The following TGFA variants were observed in gnomAD, a reference collection of about 807,000 sequenced individuals.
TGFA encodes the protein transforming growth factor alpha.
TGFA carries 12 observed loss-of-function variants against 21.7 expected under a neutral mutation model. The observed-to-expected ratio is 0.55, with a 90% confidence interval of 0.35 to 0.90. TGFA has a LOEUF of 0.90. Among genes scored for constraint, TGFA ranks in the 40% least tolerant of loss-of-function variants. The pLI, the probability that TGFA is intolerant of heterozygous loss-of-function variation, is 0.01. For synonymous variants in TGFA, 79 were observed against 88.1 expected (o/e 0.90, Z 0.58); for missense variants, 178 against 210.8 (o/e 0.84, Z 0.96).
chr2:70,499,812 A>G (rs532446811), intron 2 of TGFA, among the ~76,000 whole-genome samples: 4 of 152,142 alleles, frequency 2.6e-5, no homozygotes, highest in Admixed American at 6.5e-5. Flanking sequence ...AGGAAGGATG[A>G]CCCTGGGGCT....
At chr2:70,513,578 G>A (rs1489190624) in intron 2 of TGFA, among the ~76,000 whole-genome samples, 3 of 152,166 alleles carry the variant, frequency 2.0e-5, no homozygotes, top group Non-Finnish European at 4.4e-5. Flanking sequence ...AAGTGGCTTA[G>A]GCACCTTAAG....
intron 1 of TGFA, among the ~76,000 whole-genome samples, chr2:70,547,452 GA>G (rs1553506070): frequency 1.3e-5 from 2 of 150,838 alleles, no homozygotes; most frequent in African/African-American, 2.4e-5. Flanking sequence ...AAATTAGCTG[GA>G]AATCACTTAA....
intron 2 of TGFA, chr2:70,468,504 G>C (rs1055145669): frequency 6.6e-6 from 1 of 152,280 alleles, no homozygotes; most frequent in Middle Eastern, 3.2e-3. Context: ...CACTGAACTT[G>C]TCAAGGAACA....
At chr2:70,488,133 A>G (rs567644153) in intron 2 of TGFA, among the ~76,000 whole-genome samples, 3 of 152,248 alleles carry the variant, frequency 2.0e-5, no homozygotes, top group Admixed American at 1.3e-4. Context: ...TCTTTTGCCT[A>G]CTTTTCTAGT....
chr2:70,545,676 C>A lies in TGFA; in HGVS notation c.40+8052G>T, dbSNP rs191302605. ...AAGAAAAAAAGTAAGAAAATATTGGCATATCTTGGAATAAGAAAAGGTTTT... is the reference window on the plus strand; with the variant it reads ...AAGAAAAAAAGTAAGAAAATATTGGAATATCTTGGAATAAGAAAAGGTTTT... On this transcript the variant is annotated intron_variant, in intron 1 of 5. Coordinates refer to ENST00000295400, the MANE Select transcript of TGFA (RefSeq NM_003236.4). Among the ~76,000 whole-genome samples the A allele has an allele frequency of 2.6e-5, 4 of 152,058 alleles. No homozygotes were observed. In the East Asian group the frequency reaches 5.8e-4, roughly 22 times the overall value.
At position 70,455,027 on chromosome 2, in the gene TGFA, C is replaced by T. The variant is rs533191420; in HGVS notation, c.365+1312G>A. ...AGGCTGGCAGCCCACTAGCTTGCTC[C>T]TGCTCCTCGAGGAGGGCCCTTCTGA... On this transcript the variant is annotated intron_variant, in intron 4 of 5. Transcript: ENST00000295400. Among the ~76,000 whole-genome samples, 453 of 152,304 alleles carry T rather than the reference C, an allele frequency of 3.0e-3. 4 individuals carry two copies. The highest frequency in any genetic ancestry group is 5.3e-3 in the Non-Finnish European group (360 of 68,024).
At chr2:70,530,440 G>GGAA (rs1255464544) in intron 1 of TGFA, among the ~76,000 whole-genome samples, 1 of 152,124 alleles carries the variant, frequency 6.6e-6, no homozygotes, top group Non-Finnish European at 1.5e-5. Flanking sequence ...GGGCCACATT[G>GGAA]GAAGAAGAAG....
intron 1 of TGFA, among the ~76,000 whole-genome samples, chr2:70,549,223 C>A (rs1673407953): frequency 6.6e-6 from 1 of 152,158 alleles, no homozygotes; most frequent in Non-Finnish European, 1.5e-5. Context: ...GACGTCTCAG[C>A]AAGAGGGCTA....
intron 2 of TGFA, among the ~76,000 whole-genome samples, chr2:70,505,500 T>C (rs1332825513): frequency 2.0e-5 from 3 of 152,162 alleles, no homozygotes; most frequent in African/African-American, 7.2e-5. Context: ...GAAGATGCAT[T>C]TGTGGCAGAT....
chr2:70,533,780 T>A (rs1672891437), intron 1 of TGFA, among the ~76,000 whole-genome samples: 1 of 152,160 alleles, frequency 6.6e-6, no homozygotes, highest in African/African-American at 2.4e-5. Context: ...GAGATGTGAA[T>A]GATTTGGAAT....
rs1478057536 is a variant in TGFA, at chr2:70,449,036, T to G, written c.*1823A>C. The G allele has an allele frequency of 6.6e-6, 1 of 152,174 alleles. No individual in the cohort carries two copies. The highest frequency in any genetic ancestry group is 1.5e-5 in the Non-Finnish European group (1 of 68,028). 9.4% of individuals were successfully genotyped at this position (152,174 alleles called of 1,614,324 possible). Reference sequence around the variant, plus strand: ...CATATCTGGCCCAAGGGATGTAAACTTGAACTTATTTTAGTAATTTAAAAA... The same window carrying G: ...CATATCTGGCCCAAGGGATGTAAACGTGAACTTATTTTAGTAATTTAAAAA... On this transcript the variant is annotated 3_prime_UTR_variant, in exon 6 of 6. Coordinates refer to ENST00000295400, the MANE Select transcript of TGFA (RefSeq NM_003236.4).
chr2:70,553,704 G>C (rs1162316824), intron 1 of TGFA, 24 bp downstream of exon 1: 2 of 1,331,594 alleles, frequency 1.5e-6, no homozygotes, highest in Non-Finnish European at 1.9e-6. Flanking sequence ...GCGGCGCAGG[G>C]GGCGCCGCAG....
chr2:70,544,049 G>A (rs1673216055), intron 1 of TGFA, among the ~76,000 whole-genome samples: 1 of 152,066 alleles, frequency 6.6e-6, no homozygotes, highest in African/African-American at 2.4e-5. Context: ...ATTGCCTCCT[G>A]CTTTAAAAAA....
rs553722246 is a variant in TGFA, at chr2:70,521,555, C to T, written c.41-6643G>A. 2.0e-5 allele frequency among the ~76,000 whole-genome samples: 3 copies of T among 148,318 alleles called. No homozygotes were observed. The South Asian group carries it at 6.4e-4, about 32-fold the overall frequency. On this transcript the variant is annotated intron_variant, in intron 1 of 5. Transcript: ENST00000295400. ...AAAATGTGGTATATTGAGTGACACA[C>T]AATAAACATGCAACAAATGGTAGCT...
intron 1 of TGFA, among the ~76,000 whole-genome samples, chr2:70,529,594 C>CCCT (rs1553503472): frequency 1.5e-5 from 2 of 134,300 alleles, no homozygotes; most frequent in Admixed American, 6.9e-5. Flanking sequence ...TGAATCCCCC[C>CCCT]GCCCCAGTCC....
rs1559095763 is a variant in TGFA at position 70,453,347 on chromosome 2, C to T, written c.366-20G>A. 1 of 1,609,122 alleles carries T rather than the reference C, an allele frequency of 6.2e-7. No individual in the cohort carries two copies. The highest frequency in any genetic ancestry group is 8.5e-7 in the Non-Finnish European group (1 of 1,176,998). On this transcript the variant is annotated intron_variant, in intron 4 of 5. Transcript: ENST00000295400. ...CAGCAGCTGCAAAGACACAGAGGAC[C>T]CAGTCTGGGCAGGAGCCTGGTAGGA... is the stretch of plus-strand genomic sequence containing the variant.
intron 1 of TGFA, among the ~76,000 whole-genome samples, chr2:70,531,311 C>T (rs902940650): frequency 1.3e-5 from 2 of 152,204 alleles, no homozygotes; most frequent in African/African-American, 2.4e-5. Flanking sequence ...TACCAGTCCA[C>T]ACCCTCATGG....
chr2:70,533,979 G>GAA (rs1298121338), intron 1 of TGFA, among the ~76,000 whole-genome samples: 12 of 145,442 alleles, frequency 8.3e-5, no homozygotes, highest in African/African-American at 2.5e-4. Flanking sequence ...TTATCTAAAG[G>GAA]AAAAAAAAAA....
Position 70,450,766 on chromosome 2 carries a change from C to T in TGFA, c.*93G>A. The T allele has an allele frequency of 1.4e-6, 2 of 1,461,802 alleles. No homozygotes were observed. Among genetic ancestry groups the T allele is most frequent in the Non-Finnish European group, 1.9e-6 (2 of 1,060,196 alleles). The allele number at this position is 1,461,802 out of a possible 1,614,324, so 90.6% of individuals were successfully genotyped here. On this transcript the variant is annotated 3_prime_UTR_variant, in exon 6 of 6. Coordinates refer to ENST00000295400, the MANE Select transcript of TGFA (RefSeq NM_003236.4). ...ACAGGCCAAGTAGGAAGGTCTGTGG[C>T]ACACCCAGGCATCTCTGGCAGTGCT...
Sources: allele counts gnomAD v4.1 joint callset (sites outside exome capture counted in the v4.1 genomes callset), GRCh38; gene constraint gnomAD v4.1.1; transcripts MANE v1.5; gene names NCBI Gene and HGNC (gene_info 2026-07-23, HGNC 2026-07-21).